Variants in GLIS3 observed in about 807,000 individuals in gnomAD.
GLIS3 encodes zinc finger protein GLIS3.
GLIS3 carries 53 observed loss-of-function variants against 78.6 expected under a neutral mutation model. The observed-to-expected ratio is 0.67, with a 90% CI of 0.54 to 0.85. The LOEUF (loss-of-function observed/expected upper bound fraction) is 0.85. GLIS3 is among the 40% of genes least tolerant of loss of function. The probability of loss-of-function intolerance (pLI) is 0.00; values close to 1 mark genes in which losing one functional copy is unlikely to be tolerated. For missense variants in GLIS3, 1,703 were observed against 1,231.1 expected, an observed-to-expected ratio of 1.38 and a Z score of -5.74; for synonymous variants, 684 against 509.9, an observed-to-expected ratio of 1.34 and a Z score of -4.60.
At position 4,084,181 on chromosome 9, in the gene GLIS3, C is replaced by T. The variant is rs574981892; in HGVS notation, c.1710+33587G>A. Among the ~76,000 whole-genome samples, 13 of 151,634 alleles carry T rather than the reference C, an allele frequency of 8.6e-5. No homozygotes were observed. The South Asian group carries it at 1.5e-3, about 17-fold the overall frequency. On this transcript the variant is annotated intron_variant, in intron 4 of 10. Coordinates refer to ENST00000381971, the MANE Select transcript of GLIS3 (RefSeq NM_001042413.2). ...CCTTTGGGAGGGGAGAAAAAGACTA[C>T]GAAGCCCTCAAACCAACAGCAGAGT...
intron 4 of GLIS3, among the ~76,000 whole-genome samples, chr9:4,059,452 C>A (rs1826438676): frequency 6.6e-6 from 1 of 152,142 alleles, no homozygotes; most frequent in African/African-American, 2.4e-5. Flanking sequence ...GCTCTCCTGC[C>A]CTGTTCTCAG....
chr9:3,956,028 CAAAA>C (rs5896037), intron 4 of GLIS3, among the ~76,000 whole-genome samples: 3 of 87,622 alleles, frequency 3.4e-5, no homozygotes, highest in Admixed American at 1.3e-4. Flanking sequence ...CCAGATTCAG[CAAAA>C]AAAAAAAAAA....
the GLIS3 span, among the ~76,000 whole-genome samples, chr9:4,443,519 G>C: frequency 6.6e-6 from 1 of 152,274 alleles, no homozygotes. Context: ...CTTAAGATCA[G>C]AAAGAACGAT....
intron 8 of GLIS3, among the ~76,000 whole-genome samples, chr9:3,868,884 G>A (rs1820787841): frequency 6.6e-6 from 1 of 151,458 alleles, no homozygotes; most frequent in South Asian, 2.1e-4. Context: ...TTGCCTGTAG[G>A]CTATCAGTTT....
At chr9:4,045,344 A>C (rs1825154782) in intron 4 of GLIS3, among the ~76,000 whole-genome samples, 1 of 151,804 alleles carries the variant, frequency 6.6e-6, no homozygotes, top group African/African-American at 2.4e-5. Context: ...AAAATGAAAA[A>C]ATTTTTTTTG....
intron 2 of GLIS3, among the ~76,000 whole-genome samples, chr9:4,261,056 G>A (rs1044023394): frequency 6.6e-6 from 1 of 152,188 alleles, no homozygotes; most frequent in East Asian, 1.9e-4. Flanking sequence ...TAGAATTAGA[G>A]ATGTTTAAGC....
chr9:4,377,381 G>A, the GLIS3 span, among the ~76,000 whole-genome samples: 2 of 135,332 alleles, frequency 1.5e-5, 1 homozygote, highest in Non-Finnish European at 3.3e-5. Flanking sequence ...CAGGTTCTTT[G>A]GCTTTTGGAA....
chr9:4,467,019 G>A, the GLIS3 span, among the ~76,000 whole-genome samples: 1 of 152,184 alleles, frequency 6.6e-6, no homozygotes, highest in African/African-American at 2.4e-5. Context: ...CATGCCCACG[G>A]TGCCTCACTC....
intron 2 of GLIS3, among the ~76,000 whole-genome samples, chr9:4,337,567 A>C (rs1817772454): frequency 6.6e-6 from 1 of 152,204 alleles, no homozygotes; most frequent in Non-Finnish European, 1.5e-5. Flanking sequence ...TATATCTAAC[A>C]AACAAAAAGC....
At chr9:3,972,720 G>A (rs1818475086) in intron 4 of GLIS3, among the ~76,000 whole-genome samples, 1 of 152,072 alleles carries the variant, frequency 6.6e-6, no homozygotes, top group African/African-American at 2.4e-5. Context: ...CTTTCTATCT[G>A]TGTGTTTAGT....
intron 2 of GLIS3, among the ~76,000 whole-genome samples, chr9:4,282,803 T>C (rs1370833159): frequency 1.3e-5 from 2 of 152,196 alleles, no homozygotes; most frequent in African/African-American, 2.4e-5. Context: ...TCTATTTCTC[T>C]GGAAAACCCT....
At position 4,006,906 on chromosome 9, in the gene GLIS3, C is replaced by T. The variant is rs189561961; in HGVS notation, c.1711-69717G>A. Among the ~76,000 whole-genome samples the T allele has an allele frequency of 9.8e-5, 15 of 152,312 alleles. No homozygotes were observed. The East Asian group carries it at 2.9e-3, about 29-fold the overall frequency. On this transcript the variant is annotated intron_variant, in intron 4 of 10. Transcript: ENST00000381971. ...CAATGCTACAAGGTGACAGATGTTT[C>T]ATAAAGTCCTGGATGCAAGCTGTCT...
intron 4 of GLIS3, among the ~76,000 whole-genome samples, chr9:4,060,949 A>T (rs1450780659): frequency 2.6e-5 from 4 of 152,194 alleles, no homozygotes; most frequent in African/African-American, 7.2e-5. Flanking sequence ...TTCTAGACTC[A>T]GAGCCTGCCT....
At chr9:4,240,891 T>A (rs1007536735) in intron 2 of GLIS3, among the ~76,000 whole-genome samples, 3 of 151,974 alleles carry the variant, frequency 2.0e-5, no homozygotes, top group African/African-American at 7.3e-5. Context: ...TCCATATAAA[T>A]AAAAATTAAT....
At chr9:3,916,487 G>C (rs1185898883) in intron 6 of GLIS3, among the ~76,000 whole-genome samples, 1 of 152,178 alleles carries the variant, frequency 6.6e-6, no homozygotes, top group Non-Finnish European at 1.5e-5. Context: ...CAAAGGAACT[G>C]GTCACTCGTG....
chr9:4,392,209 G>C, the GLIS3 span, among the ~76,000 whole-genome samples: 2 of 151,872 alleles, frequency 1.3e-5, no homozygotes, highest in Non-Finnish European at 2.9e-5. Context: ...ATGGACACAG[G>C]GAGGGGAACA....
At chr9:4,461,848 G>A in the GLIS3 span, among the ~76,000 whole-genome samples, 58 of 151,926 alleles carry the variant, frequency 3.8e-4, no homozygotes, top group African/African-American at 1.3e-3. Context: ...AGAGATAAAA[G>A]TTTGTTGTCG....
chr9:4,238,640 A>AAAAAC (rs989085424), intron 2 of GLIS3, among the ~76,000 whole-genome samples: 1 of 152,210 alleles, frequency 6.6e-6, no homozygotes, highest in African/African-American at 2.4e-5. Flanking sequence ...CTTCATAACC[A>AAAAAC]AAAACAAAAC....
chr9:4,479,047 C>A, the GLIS3 span, among the ~76,000 whole-genome samples: 4 of 152,088 alleles, frequency 2.6e-5, no homozygotes, highest in African/African-American at 9.7e-5. Flanking sequence ...GACCAAGTAC[C>A]TTTATTTTTT....
Sources: gnomAD v4.1 joint callset for allele counts (sites outside exome capture counted in the v4.1 genomes callset) on GRCh38, gnomAD v4.1.1 for gene constraint, MANE v1.5 for transcripts, NCBI Gene and HGNC (gene_info 2026-07-23, HGNC 2026-07-21) for gene names.